The following CEP250 variants were observed in gnomAD, a reference collection of about 807,000 sequenced individuals.
CEP250 encodes centrosomal protein 250, also known as centrosome-associated protein CEP250.
Under a neutral mutation model 315.7 loss-of-function variants are expected in CEP250, and 242 were observed. The observed-to-expected ratio is 0.77, with a 90% confidence interval of 0.69 to 0.85. CEP250 has a LOEUF of 0.85. CEP250 is among the 40% of genes least tolerant of loss of function. CEP250 has a pLI of 0.00. For synonymous variants in CEP250, 1,088 were observed against 1,175.0 expected, an observed-to-expected ratio of 0.93 and a Z score of 1.51; for missense variants, 2,515 against 2,886.4, an observed-to-expected ratio of 0.87 and a Z score of 2.95.
In CEP250 at chr20:35,504,787, A is replaced by C; in HGVS notation, c.6418A>C (p.Lys2140Gln). The C allele has an allele frequency of 6.2e-7, 1 of 1,614,192 alleles. No individual in the cohort carries two copies. Among genetic ancestry groups the C allele is most frequent in the Non-Finnish European group, 8.5e-7 (1 of 1,180,026 alleles). ...KTSPMEEQSL[K>Q]LDSLEPRLQR... ...CTCCCCAATGGAGGAACAATCTCTA[A>C]AACTTGATTCTTTAGAGCCCAGGCT... Residue 2140 changes from lysine to glutamine, a missense_variant, in exon 30 of 35, where the codon AAA becomes CAA. By Grantham distance (53) the Lys-to-Gln change is moderately conservative. Transcript: ENST00000397527.
In CEP250 at chr20:35,467,332, G is replaced by T. The variant is rs772751738; in HGVS notation, c.628G>T (p.Val210Leu). Residue 210 changes from valine (V) to leucine (L), a missense_variant, in exon 9 of 35, where the codon GTG (valine) becomes TTG (leucine). Transcript: ENST00000397527. ...TCTGATGGAGCTAAAAGCTGAGCAT[G>T]TGAGGCTTTCAGGGTCTCTGTTGAC... Reference protein sequence around the residue: ...RDLMELKAEHVRLSGSLLTCC... With the variant: ...RDLMELKAEHLRLSGSLLTCC... The T allele has an allele frequency of 6.2e-7, 1 of 1,614,072 alleles. No homozygotes were observed. Among genetic ancestry groups the T allele is most frequent in the Admixed American group, 1.7e-5 (1 of 60,022 alleles).
intron 29 of CEP250, 39 bp downstream of exon 29, chr20:35,502,005 G>C (rs1440376711): frequency 8.8e-6 from 14 of 1,598,056 alleles, no homozygotes; most frequent in Non-Finnish European, 1.2e-5. Context: ...TTTGCCTCAG[G>C]AGTAGTCCCT....
chr20:35,473,543 C>A lies in CEP250; in HGVS notation c.1379C>A (p.Ser460Tyr). The A allele has an allele frequency of 6.2e-7, 1 of 1,612,108 alleles. No individual in the cohort carries two copies. Among genetic ancestry groups the A allele is most frequent in the African/African-American group, 1.3e-5 (1 of 75,010 alleles). Residue 460 changes from serine (S) to tyrosine (Y), a missense_variant, in exon 13 of 35, where the codon TCT becomes TAT. By Grantham distance (144) the Ser-to-Tyr change is moderately radical (BLOSUM62 -2). Transcript: ENST00000397527. ...GTGGACCTCCAGGGAGAGGTGGACT[C>A]TCTCAGCAAGTGAGCAGACGGGCTG... ...QTVDLQGEVDSLSKERELLQK... is the reference protein window; with the variant it reads ...QTVDLQGEVDYLSKERELLQK...
At position 35,501,825 on chromosome 20, in the gene CEP250, CCTCTCCT is replaced by C. The variant is rs1271913794; in HGVS notation, c.3899-15_3899-9del. The C allele has an allele frequency of 1.1e-4, 157 of 1,425,366 alleles. No homozygotes were observed. The East Asian group carries it at 2.4e-3, about 22-fold the overall frequency. 88.3% of individuals were successfully genotyped at this position (1,425,366 alleles called of 1,614,324 possible). On this transcript the variant is annotated splice_polypyrimidine_tract_variant and intron_variant, in intron 28 of 34. Transcript: ENST00000397527. ...GGTCTTACTCCACTACCTCTCCTCTCCTCTCCTCTCTTCTCAAAGAGAAATCTAAGTG... is the reference window on the plus strand; with the variant it reads ...GGTCTTACTCCACTACCTCTCCTCTCCTCTTCTCAAAGAGAAATCTAAGTG...
chr20:35,470,276 CA>C (rs2062992590), intron 10 of CEP250: 1 of 466,196 alleles, frequency 2.1e-6, no homozygotes. Context: ...GACACATTGG[CA>C]AATTAGTGAG....
At chr20:35,493,355 G>GCCAC in intron 22 of CEP250, 74 bp from the exon 23 acceptor site, 1 of 1,373,134 alleles carries the variant, frequency 7.3e-7, no homozygotes, top group South Asian at 1.6e-5. Context: ...CTCAGCTTTT[G>GCCAC]CCACCCCACC....
Position 35,511,987 on chromosome 20 carries a change from G to T in CEP250, c.*361G>T, listed in dbSNP as rs767232557. Reference sequence around the variant, plus strand: ...ATCTTTGCATTCATTTTCTGCTGCTGTCTCCACTTGTGCAGCTGGGTGGCA... The same window carrying T: ...ATCTTTGCATTCATTTTCTGCTGCTTTCTCCACTTGTGCAGCTGGGTGGCA... On this transcript the variant is annotated 3_prime_UTR_variant, in exon 35 of 35. Transcript: ENST00000397527. 228 of 1,059,310 alleles carry T rather than the reference G, an allele frequency of 2.2e-4. 2 individuals are homozygous for T. Among genetic ancestry groups the T allele is most frequent in the Non-Finnish European group, 2.5e-4 (220 of 877,370 alleles). The allele number at this position is 1,059,310 out of a possible 1,614,324, so 65.6% of individuals were successfully genotyped here. A position where few individuals can be genotyped will look rare whatever the true frequency, so the allele number is the denominator to read the frequency against.
chr20:35,504,135 G>A lies in CEP250; in HGVS notation c.5766G>A (p.Arg1922=), dbSNP rs756414979. Residue 1922 remains arginine, a synonymous_variant, in exon 30 of 35, where the codon AGG becomes AGA. Coordinates refer to ENST00000397527, the MANE Select transcript of CEP250 (RefSeq NM_007186.6). ...CACAGGAGCATGAGGTGGAGACCAG[G>A]GCCCTGCAGGACAGCTGGCTGCAGG... ...EQAQEHEVET[R]ALQDSWLQAQ... The A allele has an allele frequency of 3.1e-6, 5 of 1,613,930 alleles. No homozygotes were observed. The East Asian group carries it at 8.9e-5, about 29-fold the overall frequency.
rs2064136104 is a variant in CEP250 at position 35,504,775 on chromosome 20, G to A, written c.6406G>A (p.Glu2136Lys). ...PHSHKTSPME[E>K]QSLKLDSLEP... is the part of the protein sequence containing the mutation. ...CAGCCACAAAACCTCCCCAATGGAG[G>A]AACAATCTCTAAAACTTGATTCTTT... is the stretch of plus-strand genomic sequence containing the variant. Residue 2136 changes from glutamate (E) to lysine (K), a missense_variant, in exon 30 of 35, where the codon GAA (glutamate) becomes AAA (lysine). Physicochemically the swap from Glu to Lys is moderately conservative, Grantham distance 56. Coordinates refer to ENST00000397527, the MANE Select transcript of CEP250 (RefSeq NM_007186.6). 6.2e-7 allele frequency: 1 copy of A among 1,614,198 alleles called. No individual in the cohort carries two copies. Among genetic ancestry groups the A allele is most frequent in the South Asian group, 1.1e-5 (1 of 91,080 alleles).
Position 35,519,052 on chromosome 20 carries a change from A to G in CEP250, c.*7426A>G, listed in dbSNP as rs1038037743. The stretch of plus-strand genomic sequence containing the variant: ...CGTCTCAAAAAAAAAAAAAATACGA[A>G]AAACAAAAAACATAATCTGGATTGC... On this transcript the variant is annotated 3_prime_UTR_variant, in exon 35 of 35. Coordinates refer to ENST00000397527, the MANE Select transcript of CEP250 (RefSeq NM_007186.6). The G allele has an allele frequency of 1.3e-4, 19 of 151,978 alleles. No homozygotes were observed. The highest frequency in any genetic ancestry group is 8.5e-4 in the Admixed American group (13 of 15,244). The allele number at this position is 151,978 out of a possible 1,614,324, so 9.4% of individuals were successfully genotyped here. A position where few individuals can be genotyped will look rare whatever the true frequency, so the allele number is the denominator to read the frequency against.
In CEP250 at chr20:35,502,810, G is replaced by C; in HGVS notation, c.4441G>C (p.Glu1481Gln). 6.2e-7 allele frequency: 1 copy of C among 1,614,218 alleles called. No homozygotes were observed. The highest frequency in any genetic ancestry group is 8.5e-7 in the Non-Finnish European group (1 of 1,180,054). ...EVDLQQEQIQ[E>Q]LEKCRSVLEH... Reference sequence around the variant, plus strand: ...AGATCTGCAGCAAGAACAGATTCAGGAGCTAGAGAAGTGTAGGTCTGTTTT... The same window carrying C: ...AGATCTGCAGCAAGAACAGATTCAGCAGCTAGAGAAGTGTAGGTCTGTTTT... Residue 1481 changes from glutamate (E) to glutamine (Q), a missense_variant, in exon 30 of 35, where the codon GAG becomes CAG. Coordinates refer to ENST00000397527, the MANE Select transcript of CEP250 (RefSeq NM_007186.6).
At chr20:35,479,886 ATGGGAGT>A in intron 19 of CEP250, 83 bp from the exon 20 acceptor site, 1 of 1,593,672 alleles carries the variant, frequency 6.3e-7, no homozygotes, top group East Asian at 2.2e-5. Context: ...GGCCTCTGAG[ATGGGAGT>A]TGCTCATGAG....
At position 35,494,600 on chromosome 20, in the gene CEP250, T is replaced by C. The variant is rs2063785015; in HGVS notation, c.3110T>C (p.Leu1037Pro). 1 of 1,613,810 alleles carries C rather than the reference T, an allele frequency of 6.2e-7. No homozygotes were observed. Among genetic ancestry groups the C allele is most frequent in the Admixed American group, 1.7e-5 (1 of 59,976 alleles). Residue 1037 changes from leucine to proline, a missense_variant, in exon 24 of 35, where the codon CTG becomes CCG. Coordinates refer to ENST00000397527, the MANE Select transcript of CEP250 (RefSeq NM_007186.6). ...GTGGAGCAGGAGGTTCAGGAGAAGC[T>C]GAGAGAGACCCAGGAGTATAACCGA... ...RLVEQEVQEK[L>P]RETQEYNRIQ...
rs765762243 is a variant in CEP250, at chr20:35,494,487, C to T, written c.3034-37C>T. The T allele has an allele frequency of 5.0e-6, 8 of 1,611,796 alleles. No individual in the cohort carries two copies. In the African/African-American group the frequency reaches 5.3e-5, roughly 11 times the overall value. ...GGAGCATCTTCCCACCGGCCCCCTG[C>T]CCTGCCATCTTGGTCTTCATGCCCT... On this transcript the variant is annotated intron_variant, in intron 23 of 34. Transcript: ENST00000397527.
chr20:35,460,658 G>C (rs1003427274), intron 3 of CEP250, among the ~76,000 whole-genome samples: 4 of 152,342 alleles, frequency 2.6e-5, no homozygotes, highest in African/African-American at 9.6e-5. Flanking sequence ...TGGGTATTCT[G>C]ATTTTCCAAA....
At chr20:35,477,751 T>A in intron 16 of CEP250, 120 bp from the exon 17 acceptor site, 1 of 797,572 alleles carries the variant, frequency 1.3e-6, no homozygotes, top group Non-Finnish European at 2.0e-6. Context: ...TTATAAACAC[T>A]CCTTTGTTCA....
chr20:35,516,956 T>C lies in CEP250; in HGVS notation c.*5330T>C, dbSNP rs565029031. On this transcript the variant is annotated 3_prime_UTR_variant, in exon 35 of 35. Coordinates refer to ENST00000397527, the MANE Select transcript of CEP250 (RefSeq NM_007186.6). ...GTGAGCATAAGCTCAAACCCCCCCA[T>C]TGAAGGCTACATTCTTGTCCCACAG... 598 of 985,296 alleles carry C rather than the reference T, an allele frequency of 6.1e-4. 1 individual carries two copies. Among genetic ancestry groups the C allele is most frequent in the South Asian group, 1.4e-3 (30 of 21,274 alleles). The allele number at this position is 985,296 out of a possible 1,614,324, so 61.0% of individuals were successfully genotyped here.
intron 28 of CEP250, 85 bp from the exon 29 acceptor site, chr20:35,501,760 T>A (rs2147140876): frequency 2.1e-6 from 3 of 1,424,158 alleles, no homozygotes; most frequent in East Asian, 5.0e-5. Flanking sequence ...CTGTTCCCCA[T>A]CCTCCATCTG....
intron 11 of CEP250, 88 bp from the exon 12 acceptor site, chr20:35,472,585 C>A: frequency 7.5e-7 from 1 of 1,326,304 alleles, no homozygotes; most frequent in Non-Finnish European, 1.1e-6. Context: ...AGGAAAACAT[C>A]AGGTTTGTCC....
Sources: allele counts gnomAD v4.1 joint callset (sites outside exome capture counted in the v4.1 genomes callset), GRCh38; gene constraint gnomAD v4.1.1; transcripts MANE v1.5; gene names NCBI Gene and HGNC (gene_info 2026-07-23, HGNC 2026-07-21).